Variants in OPTN observed in about 807,000 individuals in gnomAD.
OPTN encodes the protein optineurin, also known as E3-14.7K-interacting protein.
A neutral mutation model predicts 70.4 loss-of-function variants in OPTN; 54 were observed. The observed-to-expected ratio is 0.77, with a 90% CI of 0.62 to 0.96. The LOEUF is 0.96. Among genes scored for constraint, OPTN ranks in the 40% least tolerant of loss-of-function variants. The pLI is 0.00. For synonymous variants in OPTN, 256 were observed against 248.5 expected (o/e 1.03, Z -0.28); for missense variants, 624 against 673.2 (o/e 0.93, Z 0.81).
Position 13,109,255 on chromosome 10 carries a change from A to C in OPTN, c.133A>C (p.Lys45Gln). 6.2e-7 allele frequency: 1 copy of C among 1,613,948 alleles called. No homozygotes were observed. ...CCCGGAGGAGCTGCTGCAGCAGATG[A>C]AAGAGCTCCTGACCGAGAACCACCA... is the stretch of plus-strand genomic sequence containing the variant. ...FTPEELLQQM[K>Q]ELLTENHQLK... Residue 45 changes from lysine (K) to glutamine (Q), a missense_variant, in exon 3 of 15, where the codon AAA (lysine) becomes CAA (glutamine). Lys to Gln is a moderately conservative substitution (Grantham distance 53). Transcript: ENST00000378747.
chr10:13,136,635 T>C lies in OPTN; in HGVS notation c.1613-110T>C. ...ACACCTGTGCTCATGTCCCACTACG[T>C]GTTGAATACGAAGTTGAACTGATGT... On this transcript the variant is annotated intron_variant, in intron 14 of 14. Coordinates refer to ENST00000378747, the MANE Select transcript of OPTN (RefSeq NM_001008212.2). The C allele has an allele frequency of 7.0e-6, 9 of 1,294,414 alleles. No homozygotes were observed. The South Asian group carries it at 1.1e-4, about 16-fold the overall frequency. The allele number at this position is 1,294,414 out of a possible 1,614,324, so 80.2% of individuals were successfully genotyped here.
At position 13,125,963 on chromosome 10, in the gene OPTN, T is replaced by G; in HGVS notation, c.1166T>G (p.Leu389Arg). ...TEDEKSKLTV[L>R]QMTHNKLLQE... ...TTTAATAGGTCCAAATTAACTGTGC[T>G]ACAGATGACACACAACAAGCTTCTT... Residue 389 changes from leucine to arginine, a missense_variant, in exon 11 of 15, where the codon CTA (leucine) becomes CGA (arginine). Physicochemically the swap from Leu to Arg is moderately radical, Grantham distance 102. Coordinates refer to ENST00000378747, the MANE Select transcript of OPTN (RefSeq NM_001008212.2). The G allele has an allele frequency of 6.2e-7, 1 of 1,610,112 alleles. No individual in the cohort carries two copies. The highest frequency in any genetic ancestry group is 8.5e-7 in the Non-Finnish European group (1 of 1,176,438).
chr10:13,129,356 CT>C (rs780049166), intron 12 of OPTN, among the ~76,000 whole-genome samples: 1,586 of 142,196 alleles, frequency 0.011, 9 homozygotes, highest in African/African-American at 0.03. Flanking sequence ...AAGCATCAAA[CT>C]TTTTTTTTTT....
Position 13,116,331 on chromosome 10 carries a change from C to A in OPTN, c.617C>A (p.Ser206Tyr). 6.2e-7 allele frequency: 1 copy of A among 1,612,776 alleles called. No individual in the cohort carries two copies. The highest frequency in any genetic ancestry group is 8.5e-7 in the Non-Finnish European group (1 of 1,178,854). ...AGTCCTGGGCCCACGAGAACAGTCT[C>A]CACTGGCACGTATGTGAAGGAAGAC... is the stretch of plus-strand genomic sequence containing the variant. The part of the protein sequence containing the change: ...KHSPGPTRTV[S>Y]TGTALSKYRS... The change falls in exon 6 of 15, where the codon TCC (serine) becomes TAC (tyrosine). Residue 206 changes from serine (S) to tyrosine (Y), a missense_variant. Physicochemically the swap from Ser to Tyr is moderately radical, Grantham distance 144. Coordinates refer to ENST00000378747, the MANE Select transcript of OPTN (RefSeq NM_001008212.2).
intron 12 of OPTN, among the ~76,000 whole-genome samples, chr10:13,128,502 CTTTTTTTTT>C (rs56147136): frequency 3.0e-5 from 1 of 33,450 alleles, no homozygotes; most frequent in Non-Finnish European, 5.8e-5. Flanking sequence ...TCAAGCCTGC[CTTTTTTTTT>C]TTTTTTTTTT....
intron 7 of OPTN, among the ~76,000 whole-genome samples, chr10:13,120,929 A>G (rs1290671914): frequency 2.0e-5 from 3 of 152,200 alleles, no homozygotes; most frequent in Admixed American, 6.5e-5. Flanking sequence ...GAAGCAAGGC[A>G]CCTTCTTCAC....
Position 13,110,310 on chromosome 10 carries a change from G to A in OPTN, c.203G>A (p.Arg68Lys), listed in dbSNP as rs1186383300. The A allele has an allele frequency of 1.2e-6, 2 of 1,614,106 alleles. No individual in the cohort carries two copies. Among genetic ancestry groups the A allele is most frequent in the Admixed American group, 3.3e-5 (2 of 60,022 alleles). The part of the protein sequence containing the change: ...MKLNNQAMKG[R>K]FEELSAWTEK... ...CTAAATAATCAAGCCATGAAAGGGA[G>A]ATTTGAGGAGCTTTCGGCCTGGACA... Residue 68 changes from arginine to lysine, a missense_variant, in exon 4 of 15, where the codon AGA becomes AAA. Arg to Lys is a conservative substitution (Grantham distance 26). Transcript: ENST00000378747.
intron 1 of OPTN, among the ~76,000 whole-genome samples, chr10:13,107,387 CTT>C (rs869161209): frequency 6.1e-4 from 71 of 117,134 alleles, no homozygotes; most frequent in South Asian, 1.8e-3. Context: ...CCAAAACAGT[CTT>C]TTTTTTTTTT....
At chr10:13,101,984 C>T (rs1832757804) in intron 1 of OPTN, among the ~76,000 whole-genome samples, 1 of 152,176 alleles carries the variant, frequency 6.6e-6, no homozygotes. Context: ...GTAAGAATAA[C>T]ATGGAGAGAA....
intron 7 of OPTN, among the ~76,000 whole-genome samples, chr10:13,119,523 A>G (rs1464859425): frequency 2.0e-5 from 3 of 152,188 alleles, no homozygotes; most frequent in Admixed American, 1.3e-4. Context: ...CAGTGTGTAC[A>G]AGTTTTTACT....
Position 13,138,042 on chromosome 10 carries a change from G to A in OPTN, c.*1176G>A, listed in dbSNP as rs1833732317. 5.0e-6 allele frequency: 1 copy of A among 201,486 alleles called. No homozygotes were observed. Among genetic ancestry groups the A allele is most frequent in the South Asian group, 1.9e-4 (1 of 5,218 alleles). The allele number at this position is 201,486 out of a possible 1,614,324, so 12.5% of individuals were successfully genotyped here. ...ATATTTTCTGTATTAAGCTCATTTG[G>A]CTTCATTTAAGCTGTATACTTAGTC... On this transcript the variant is annotated 3_prime_UTR_variant, in exon 15 of 15. Coordinates refer to ENST00000378747, the MANE Select transcript of OPTN (RefSeq NM_001008212.2).
intron 11 of OPTN, 105 bp from the exon 12 acceptor site, chr10:13,127,640 C>A: frequency 2.3e-6 from 3 of 1,289,318 alleles, no homozygotes; most frequent in Non-Finnish European, 3.3e-6. Context: ...AGCCACCACA[C>A]CCGGCCAGAG....
At chr10:13,127,373 C>T (rs1010901238) in intron 11 of OPTN, among the ~76,000 whole-genome samples, 3 of 152,190 alleles carry the variant, frequency 2.0e-5, no homozygotes, top group African/African-American at 4.8e-5. Flanking sequence ...GGCAAAATAA[C>T]AGTATCAACG....
chr10:13,112,670 CTA>C lies in OPTN; in HGVS notation c.552+38_552+39del, dbSNP rs1008433702. 4.4e-6 allele frequency: 7 copies of C among 1,588,970 alleles called. No individual in the cohort carries two copies. In the African/African-American group the frequency reaches 9.4e-5, roughly 21 times the overall value. ...TGGTTTTATTTTTGTTTTGAGCAAA[CTA>C]TAAAGCCTCCCCTGGAAAGATGAAA... is the stretch of plus-strand genomic sequence containing the variant. On this transcript the variant is annotated intron_variant, in intron 5 of 14. Coordinates refer to ENST00000378747, the MANE Select transcript of OPTN (RefSeq NM_001008212.2).
intron 11 of OPTN, among the ~76,000 whole-genome samples, chr10:13,126,342 G>A (rs1307751621): frequency 6.7e-6 from 1 of 148,522 alleles, no homozygotes; most frequent in Non-Finnish European, 1.5e-5. Flanking sequence ...GTGCAGTGGC[G>A]CGATCTCGGC....
chr10:13,129,640 C>T (rs1327511521), intron 12 of OPTN, among the ~76,000 whole-genome samples: 2 of 152,174 alleles, frequency 1.3e-5, no homozygotes, highest in East Asian at 3.8e-4. Context: ...GGCCAGCATC[C>T]ATTTGAATGG....
rs1272594960 is a variant in OPTN at position 13,136,889 on chromosome 10, A to G, written c.*23A>G. The stretch of plus-strand genomic sequence containing the variant: ...TAAGTGTTGATGTATCACCTCCCCA[A>G]AACTGTTGGTAAATGTCAGATTTTT... On this transcript the variant is annotated 3_prime_UTR_variant, in exon 15 of 15. Transcript: ENST00000378747. 7.4e-6 allele frequency: 12 copies of G among 1,614,040 alleles called. No individual in the cohort carries two copies. In the South Asian group the frequency reaches 7.7e-5, roughly 10 times the overall value.
At chr10:13,108,656 C>G (rs1445882932) in intron 2 of OPTN, among the ~76,000 whole-genome samples, 1 of 151,910 alleles carries the variant, frequency 6.6e-6, no homozygotes, top group Non-Finnish European at 1.5e-5. Flanking sequence ...ACGCCATTCT[C>G]CTGCCTCAGC....
chr10:13,101,997 T>C (rs1218146058), intron 1 of OPTN, among the ~76,000 whole-genome samples: 2 of 152,122 alleles, frequency 1.3e-5, no homozygotes, highest in African/African-American at 2.4e-5. Context: ...GGAGAGAAAA[T>C]AGACGGGCAG....
Sources: gnomAD v4.1 joint callset for allele counts (sites outside exome capture counted in the v4.1 genomes callset) on GRCh38, gnomAD v4.1.1 for gene constraint, MANE v1.5 for transcripts, NCBI Gene and HGNC (gene_info 2026-07-23, HGNC 2026-07-21) for gene names.